The following SLC9B1 variants were observed in gnomAD, a reference collection of about 807,000 sequenced individuals.
SLC9B1 encodes the protein solute carrier family 9 member B1.
In SLC9B1, 32 loss-of-function variants were observed where a neutral mutation model predicts 51.7. The observed-to-expected ratio is 0.62, with a 90% CI of 0.47 to 0.83. SLC9B1 has a LOEUF of 0.83. SLC9B1 is among the 40% of genes least tolerant of loss of function. The pLI is 0.00. For synonymous variants in SLC9B1, 145 were observed against 212.7 expected, an observed-to-expected ratio of 0.68 and a Z score of 2.77; for missense variants, 406 against 613.2, an observed-to-expected ratio of 0.66 and a Z score of 3.57.
chr4:102,949,425 CT>C lies in SLC9B1; in HGVS notation c.213del (p.Val72LeufsTer5), dbSNP rs1446379966. 6.4e-7 allele frequency: 1 copy of C among 1,572,374 alleles called. No homozygotes were observed. Among genetic ancestry groups the C allele is most frequent in the Non-Finnish European group, 8.6e-7 (1 of 1,166,264 alleles). ...ATACACCATATCACAAACAGTATAA[CT>C]CCTGAAATACAAAAAAGTGTACAGC... ...RGVLNVIITNGVILFVIWCMT... is the reference protein window; with the variant it reads ...RGVLNVIITNXVILFVIWCMT... On this transcript the variant is annotated frameshift_variant and splice_region_variant, in exon 4 of 12. Coordinates refer to ENST00000296422, the MANE Select transcript of SLC9B1 (RefSeq NM_139173.4). LOFTEE classifies it high-confidence loss of function.
At chr4:102,927,887 A>G (rs1277172414) in intron 7 of SLC9B1, among the ~76,000 whole-genome samples, 2 of 152,182 alleles carry the variant, frequency 1.3e-5, no homozygotes, top group African/African-American at 2.4e-5. Context: ...TGGAATACTA[A>G]TGCAATCATA....
intron 3 of SLC9B1, among the ~76,000 whole-genome samples, chr4:102,955,875 A>AAGAAAGAG (rs1434696529): frequency 7.0e-6 from 1 of 142,228 alleles, no homozygotes; most frequent in Non-Finnish European, 1.5e-5. Context: ...GAAAGAAAGA[A>AAGAAAGAG]AGAAAGAAAG....
At chr4:102,905,954 G>A (rs1441831749) in intron 10 of SLC9B1, among the ~76,000 whole-genome samples, 10 of 151,858 alleles carry the variant, frequency 6.6e-5, no homozygotes, top group Non-Finnish European at 1.3e-4. Context: ...TTTATTTTTT[G>A]AGAAGGATTC....
chr4:103,001,602 C>A (rs1283212716), intron 1 of SLC9B1, among the ~76,000 whole-genome samples: 1 of 152,180 alleles, frequency 6.6e-6, no homozygotes, highest in African/African-American at 2.4e-5. Context: ...TTTGAGACCA[C>A]CTCAGCCTGA....
intron 6 of SLC9B1, among the ~76,000 whole-genome samples, chr4:102,935,033 T>C (rs560752806): frequency 1.3e-5 from 2 of 151,808 alleles, no homozygotes; most frequent in Admixed American, 1.3e-4. Flanking sequence ...CTGTTGAAAA[T>C]AACAAAATAC....
At chr4:102,887,930 A>G (rs903444816) in intron 11 of SLC9B1, 7 of 155,190 alleles carry the variant, frequency 4.5e-5, no homozygotes, top group Non-Finnish European at 1.0e-4. Context: ...CTTTATAGAG[A>G]TTGTTGTGTA....
chr4:102,994,408 C>T (rs1001277063), intron 1 of SLC9B1, among the ~76,000 whole-genome samples: 8 of 152,360 alleles, frequency 5.3e-5, no homozygotes, highest in African/African-American at 1.7e-4. Flanking sequence ...GCCTACACTT[C>T]ATTGTCCATA....
chr4:102,975,514 T>C (rs1246047203), intron 3 of SLC9B1, among the ~76,000 whole-genome samples: 3 of 148,922 alleles, frequency 2.0e-5, no homozygotes, highest in Non-Finnish European at 4.4e-5. Flanking sequence ...GGAATGAGGT[T>C]GGAAAATAGT....
At chr4:102,890,738 G>A (rs1045251323) in intron 11 of SLC9B1, 13 of 149,118 alleles carry the variant, frequency 8.7e-5, no homozygotes, top group African/African-American at 3.3e-4. Context: ...TACTCGGGAG[G>A]CTGAGGCACA....
intron 3 of SLC9B1, among the ~76,000 whole-genome samples, chr4:102,982,551 TTTTA>T (rs1405709282): frequency 6.6e-6 from 1 of 152,178 alleles, no homozygotes; most frequent in Non-Finnish European, 1.5e-5. Flanking sequence ...TATTTAGTTC[TTTTA>T]TTTATTTCAT....
At chr4:102,989,759 T>G in intron 3 of SLC9B1, 41 bp downstream of exon 3, 1 of 1,380,860 alleles carries the variant, frequency 7.2e-7, no homozygotes, top group Non-Finnish European at 9.9e-7. Context: ...ATCAAACATA[T>G]TTCTCATCTT....
intron 6 of SLC9B1, among the ~76,000 whole-genome samples, chr4:102,933,778 T>C (rs1188653334): frequency 1.3e-5 from 2 of 152,072 alleles, no homozygotes; most frequent in African/African-American, 4.8e-5. Flanking sequence ...AAACACAAAA[T>C]ATCTAAGAAA....
At chr4:102,956,022 A>G (rs1578378575) in intron 3 of SLC9B1, among the ~76,000 whole-genome samples, 1 of 152,316 alleles carries the variant, frequency 6.6e-6, no homozygotes, top group East Asian at 1.9e-4. Flanking sequence ...TACTCTGAAC[A>G]GCTGCTTTTC....
At chr4:102,975,565 C>CATATATATAT (rs749203965) in intron 3 of SLC9B1, among the ~76,000 whole-genome samples, 8 of 99,612 alleles carry the variant, frequency 8.0e-5, no homozygotes, top group African/African-American at 3.2e-4. Flanking sequence ...ATTATATATA[C>CATATATATAT]ATATATATAT....
chr4:102,980,703 C>G (rs1224450349), intron 3 of SLC9B1, among the ~76,000 whole-genome samples: 1 of 152,058 alleles, frequency 6.6e-6, no homozygotes, highest in African/African-American at 2.4e-5. Flanking sequence ...ATGTAACAAA[C>G]CTGCACATCC....
chr4:102,891,986 C>G (rs969823678), intron 11 of SLC9B1: 1 of 152,160 alleles, frequency 6.6e-6, no homozygotes, highest in African/African-American at 2.4e-5. Flanking sequence ...GTTGTGTTAA[C>G]ATAGTTTGTC....
chr4:102,979,379 A>C (rs186363604), intron 3 of SLC9B1, among the ~76,000 whole-genome samples: 1 of 152,272 alleles, frequency 6.6e-6, no homozygotes, highest in East Asian at 1.9e-4. Flanking sequence ...TGTTATTCTC[A>C]GTAGTAAACA....
intron 11 of SLC9B1, among the ~76,000 whole-genome samples, chr4:102,901,853 G>C (rs1339820286): frequency 6.6e-6 from 1 of 152,168 alleles, no homozygotes; most frequent in African/African-American, 2.4e-5. Flanking sequence ...TATTTTTGCT[G>C]CAACCAGGCT....
chr4:102,893,133 T>C (rs950988272), intron 11 of SLC9B1, among the ~76,000 whole-genome samples: 2 of 151,414 alleles, frequency 1.3e-5, no homozygotes, highest in African/African-American at 4.9e-5. Flanking sequence ...AATATAAAAA[T>C]TAGCTGGGCA....
Sources: allele counts gnomAD v4.1 joint callset (sites outside exome capture counted in the v4.1 genomes callset), GRCh38; gene constraint gnomAD v4.1.1; transcripts MANE v1.5; gene names NCBI Gene and HGNC (gene_info 2026-07-23, HGNC 2026-07-21).